The following CRYBG3 variants were observed in gnomAD, a reference collection of about 807,000 sequenced individuals.
The protein encoded by CRYBG3 is very large A-kinase anchor protein.
In CRYBG3, 127 loss-of-function variants were observed where a neutral mutation model predicts 244.2. The observed-to-expected ratio is 0.52, with a 90% CI of 0.45 to 0.60. CRYBG3 has a LOEUF of 0.60. Among genes scored for constraint, CRYBG3 ranks in the 20% least tolerant of loss-of-function variants. The probability of loss-of-function intolerance (pLI) is 0.00; values close to 1 mark genes in which losing one functional copy is unlikely to be tolerated. For missense variants in CRYBG3, 3,325 were observed against 3,442.5 expected (o/e 0.97, Z 0.85); for synonymous variants, 1,132 against 1,195.8 (o/e 0.95, Z 1.10).
intron 2 of CRYBG3, among the ~76,000 whole-genome samples, chr3:97,852,789 C>T (rs931338981): frequency 1.3e-5 from 2 of 152,114 alleles, no homozygotes; most frequent in Non-Finnish European, 1.5e-5. Flanking sequence ...TTTATATTCG[C>T]ACCAACAGTG....
In CRYBG3 at chr3:97,874,254, T is replaced by G. The variant is rs1201962469; in HGVS notation, c.3060T>G (p.Ser1020=). 2 of 1,535,314 alleles carry G rather than the reference T, an allele frequency of 1.3e-6. No homozygotes were observed. Among genetic ancestry groups the G allele is most frequent in the Admixed American group, 2.0e-5 (1 of 50,858 alleles). The change falls in exon 4 of 22, where the codon TCT becomes TCG. Residue 1020 remains serine (S), a synonymous_variant. Transcript: ENST00000389622. ...LDSDSSLEKN[S]SASEDSSFLK... Reference sequence around the variant, plus strand: ...CTGATTCCAGTTTGGAAAAAAATTCTTCTGCATCTGAGGACTCAAGCTTCC... The same window carrying G: ...CTGATTCCAGTTTGGAAAAAAATTCGTCTGCATCTGAGGACTCAAGCTTCC...
chr3:97,841,336 A>G (rs1205408024), intron 1 of CRYBG3, among the ~76,000 whole-genome samples: 1 of 150,754 alleles, frequency 6.6e-6, no homozygotes, highest in Non-Finnish European at 1.5e-5. Context: ...ATATATGTAT[A>G]TATGCATATA....
At chr3:97,938,793 T>C (rs935429806) in intron 19 of CRYBG3, among the ~76,000 whole-genome samples, 2 of 151,862 alleles carry the variant, frequency 1.3e-5, no homozygotes, top group Non-Finnish European at 2.9e-5. Context: ...ATTTTGAAAA[T>C]TTTTTATTAT....
chr3:97,880,572 C>T (rs1249326042), intron 6 of CRYBG3, among the ~76,000 whole-genome samples: 1 of 152,188 alleles, frequency 6.6e-6, no homozygotes, highest in Non-Finnish European at 1.5e-5. Flanking sequence ...TATTATGGAC[C>T]ATGACCCATG....
chr3:97,893,074 T>A (rs1399093249), intron 11 of CRYBG3, 81 bp downstream of exon 11: 15 of 1,182,952 alleles, frequency 1.3e-5, no homozygotes, highest in African/African-American at 1.6e-5. Flanking sequence ...AAAGCAAAAA[T>A]GATTTGTTTT....
At chr3:97,909,491 ATTCAT>A (rs1219644991) in intron 15 of CRYBG3, among the ~76,000 whole-genome samples, 1 of 150,344 alleles carries the variant, frequency 6.7e-6, no homozygotes, top group African/African-American at 2.4e-5. Flanking sequence ...GCTTCATTTC[ATTCAT>A]TTCATCTTCC....
chr3:97,868,672 A>G (rs1216831918), intron 3 of CRYBG3, among the ~76,000 whole-genome samples: 1 of 152,144 alleles, frequency 6.6e-6, no homozygotes, highest in Non-Finnish European at 1.5e-5. Context: ...AATGATTCCC[A>G]CTGCCTACCC....
Position 97,915,626 on chromosome 3 carries a change from C to G in CRYBG3, c.8131C>G (p.Gln2711Glu). Residue 2711 changes from glutamine to glutamate, a missense_variant, in exon 17 of 22, where the codon CAA becomes GAA. Gln to Glu is a conservative substitution (Grantham distance 29). Around this residue, in one of 4 missense-constraint regions of CRYBG3, gnomAD observed 714 missense variants for 803.6 expected, o/e 0.89. Transcript: ENST00000389622. Reference protein sequence around the residue: ...VLRGCWLLYYQEDMFVNHCVL... With the variant: ...VLRGCWLLYYEEDMFVNHCVL... Reference sequence around the variant, plus strand: ...GGCTTTTAGCTGGCTCCTCTATTACCAAGAAGACATGTTTGTTAATCACTG... The same window carrying G: ...GGCTTTTAGCTGGCTCCTCTATTACGAAGAAGACATGTTTGTTAATCACTG... The G allele has an allele frequency of 3.7e-6, 6 of 1,610,664 alleles. No homozygotes were observed. Among genetic ancestry groups the G allele is most frequent in the Non-Finnish European group, 5.1e-6 (6 of 1,177,598 alleles).
chr3:97,886,213 T>A (rs776170080), intron 7 of CRYBG3, among the ~76,000 whole-genome samples: 5 of 152,202 alleles, frequency 3.3e-5, no homozygotes, highest in Admixed American at 1.3e-4. Flanking sequence ...CTTGTTTTTT[T>A]ATATCCCCGA....
rs1385496633 is a variant in CRYBG3 at position 97,874,395 on chromosome 3, T to G, written c.3201T>G (p.Pro1067=). The stretch of plus-strand genomic sequence containing the variant: ...GTGTGTCATCTTCCTCTAGTTACCC[T>G]GAAGAAGTTAGCATGATAGTAAATT... ...IDSVSSSSSY[P]EEVSMIVNSH... The change falls in exon 4 of 22, where the codon CCT becomes CCG. Residue 1067 remains proline (P), a synonymous_variant. Transcript: ENST00000389622. 6.5e-7 allele frequency: 1 copy of G among 1,533,714 alleles called. No individual in the cohort carries two copies. Among genetic ancestry groups the G allele is most frequent in the African/African-American group, 1.4e-5 (1 of 72,894 alleles).
At position 97,872,341 on chromosome 3, in the gene CRYBG3, T is replaced by C; in HGVS notation, c.1147T>C (p.Leu383=). Residue 383 remains leucine (L), a synonymous_variant, in exon 4 of 22, where the codon TTG becomes CTG. Coordinates refer to ENST00000389622, the MANE Select transcript of CRYBG3 (RefSeq NM_153605.4). The part of the protein sequence containing the change: ...QTNRNLVCSA[L]LTGSNHRKVP... ...TAACAGAAATTTGGTATGTTCAGCA[T>C]TGTTAACAGGAAGTAACCATCGCAA... 6.5e-7 allele frequency: 1 copy of C among 1,536,010 alleles called. No homozygotes were observed. Among genetic ancestry groups the C allele is most frequent in the Non-Finnish European group, 8.7e-7 (1 of 1,146,828 alleles).
intron 10 of CRYBG3, 58 bp downstream of exon 10, chr3:97,889,448 C>A: frequency 7.4e-7 from 1 of 1,359,480 alleles, no homozygotes; most frequent in Non-Finnish European, 1.0e-6. Context: ...AATATTTATT[C>A]CAATAATTTT....
At chr3:97,878,547 G>A (rs2108221513) in intron 4 of CRYBG3, among the ~76,000 whole-genome samples, 1 of 152,270 alleles carries the variant, frequency 6.6e-6, no homozygotes, top group South Asian at 2.1e-4. Context: ...AAAAAAAATT[G>A]CTTGGTCAGA....
At chr3:97,844,204 C>G (rs1024859235) in intron 2 of CRYBG3, among the ~76,000 whole-genome samples, 2 of 152,120 alleles carry the variant, frequency 1.3e-5, no homozygotes, top group Non-Finnish European at 2.9e-5. Context: ...AAATGAAGAT[C>G]ACCTTGCTTT....
rs1228389488 is a variant in CRYBG3, at chr3:97,873,855, A to G, written c.2661A>G (p.Gln887=). 4.6e-6 allele frequency: 7 copies of G among 1,535,088 alleles called. No individual in the cohort carries two copies. In the African/African-American group the frequency reaches 8.2e-5, roughly 18 times the overall value. The change falls in exon 4 of 22, where the codon CAA becomes CAG. Residue 887 remains glutamine, a synonymous_variant. Coordinates refer to ENST00000389622, the MANE Select transcript of CRYBG3 (RefSeq NM_153605.4). ...FLEVEQGKRF[Q]SINHNEIGEK... ...AAGTTGAACAGGGCAAACGTTTTCA[A>G]TCAATTAATCATAATGAGATAGGAG... is the stretch of plus-strand genomic sequence containing the variant.
intron 3 of CRYBG3, among the ~76,000 whole-genome samples, chr3:97,869,750 T>G (rs1223193040): frequency 6.6e-6 from 1 of 152,146 alleles, no homozygotes; most frequent in Non-Finnish European, 1.5e-5. Context: ...TGCTTTATAA[T>G]GGACAATAAA....
At chr3:97,903,282 A>G (rs779602170) in intron 15 of CRYBG3, among the ~76,000 whole-genome samples, 20 of 152,186 alleles carry the variant, frequency 1.3e-4, no homozygotes, top group Non-Finnish European at 2.8e-4. Context: ...AGGCAAATAC[A>G]GTAAGATTCA....
intron 6 of CRYBG3, 92 bp downstream of exon 6, chr3:97,880,192 T>G: frequency 3.2e-6 from 2 of 632,800 alleles, no homozygotes; most frequent in Non-Finnish European, 5.4e-6. Context: ...TTTATTGAAG[T>G]CATATTCTCC....
At position 97,872,510 on chromosome 3, in the gene CRYBG3, G is replaced by A. The variant is rs775372642; in HGVS notation, c.1316G>A (p.Cys439Tyr). 2.6e-6 allele frequency: 4 copies of A among 1,535,946 alleles called. No individual in the cohort carries two copies. The highest frequency in any genetic ancestry group is 1.7e-4 in the Middle Eastern group (1 of 5,988). ...GGCCCTGCTATTTCTGATTTCTCTT[G>A]TAGTAAATCTGATGGGAGTGACACT... ...PQGPAISDFS[C>Y]SKSDGSDTTE... Residue 439 changes from cysteine to tyrosine, a missense_variant, in exon 4 of 22, where the codon TGT becomes TAT. Physicochemically the swap from Cys to Tyr is radical, Grantham distance 194 (BLOSUM62 -2). Coordinates refer to ENST00000389622, the MANE Select transcript of CRYBG3 (RefSeq NM_153605.4).
Sources: allele counts gnomAD v4.1 joint callset (sites outside exome capture counted in the v4.1 genomes callset), GRCh38; gene constraint gnomAD v4.1.1; regional missense constraint gnomAD v4.1.1; transcripts MANE v1.5; gene names NCBI Gene and HGNC (gene_info 2026-07-23, HGNC 2026-07-21).